Variants in NEGR1 observed in about 807,000 individuals in gnomAD.
NEGR1 encodes the protein neuronal growth regulator 1.
In NEGR1, 10 loss-of-function variants were observed where a neutral mutation model predicts 40.9. That is an observed-to-expected ratio of 0.24 (90% CI 0.15 to 0.42). The LOEUF (loss-of-function observed/expected upper bound fraction) is 0.42. Ranked by LOEUF, NEGR1 falls within the 10% of genes least tolerant of loss-of-function variation. NEGR1 has a pLI of 1.00. For synonymous variants in NEGR1, 185 were observed against 166.8 expected (o/e 1.11, Z -0.84); for missense variants, 352 against 438.9 (o/e 0.80, Z 1.77).
chr1:71,435,309 G>A (rs1031067198), intron 6 of NEGR1, among the ~76,000 whole-genome samples: 1 of 152,086 alleles, frequency 6.6e-6, no homozygotes, highest in Non-Finnish European at 1.5e-5. Context: ...ATTGGCAAAA[G>A]GAAGGTGAAG....
intron 2 of NEGR1, among the ~76,000 whole-genome samples, chr1:71,801,659 C>T (rs1200010861): frequency 6.6e-6 from 1 of 152,154 alleles, no homozygotes; most frequent in African/African-American, 2.4e-5. Flanking sequence ...TTGCCTCTAA[C>T]TTTAGAGCCT....
intron 3 of NEGR1, among the ~76,000 whole-genome samples, chr1:71,753,526 C>T (rs1040431768): frequency 3.3e-5 from 5 of 152,084 alleles, no homozygotes; most frequent in African/African-American, 1.2e-4. Flanking sequence ...AATAATCATC[C>T]TTATAATTAG....
intron 2 of NEGR1, among the ~76,000 whole-genome samples, chr1:71,895,556 G>A (rs1321605508): frequency 1.5e-5 from 2 of 133,734 alleles, no homozygotes; most frequent in South Asian, 4.3e-4. Flanking sequence ...AACATTTGTG[G>A]TCTTGGTGCC....
intron 1 of NEGR1, among the ~76,000 whole-genome samples, chr1:72,144,170 A>C (rs753089791): frequency 1.3e-5 from 2 of 151,324 alleles, no homozygotes; most frequent in Non-Finnish European, 3.0e-5. Flanking sequence ...CCAGAAACAT[A>C]CAAGATCTTT....
chr1:72,282,047 C>A (rs890381264), intron 1 of NEGR1, among the ~76,000 whole-genome samples: 4 of 152,124 alleles, frequency 2.6e-5, no homozygotes, highest in Admixed American at 6.5e-5. Flanking sequence ...GTGGCACCTG[C>A]CCCTCCTTCT....
At chr1:71,530,482 C>A (rs1457525057) in intron 6 of NEGR1, among the ~76,000 whole-genome samples, 1 of 151,302 alleles carries the variant, frequency 6.6e-6, no homozygotes, top group Non-Finnish European at 1.5e-5. Context: ...CTCTTTAAAT[C>A]CTTGCCTAAC....
intron 4 of NEGR1, among the ~76,000 whole-genome samples, chr1:71,663,783 G>A (rs1466137739): frequency 6.6e-6 from 1 of 152,138 alleles, no homozygotes. Context: ...CCAAAATATT[G>A]TTTTATAGTT....
chr1:71,703,625 C>A (rs540906191), intron 3 of NEGR1, among the ~76,000 whole-genome samples: 1 of 151,542 alleles, frequency 6.6e-6, no homozygotes, highest in Non-Finnish European at 1.5e-5. Context: ...GTTATTTACA[C>A]AGCAACACAA....
At chr1:72,026,110 C>CAAAAAAAAAAAA (rs1172589239) in intron 1 of NEGR1, among the ~76,000 whole-genome samples, 8 of 31,148 alleles carry the variant, frequency 2.6e-4, no homozygotes, top group African/African-American at 3.8e-4. Context: ...GACTCCGTCT[C>CAAAAAAAAAAAA]AAAAAAAAAA....
chr1:71,857,457 CAAAAAAAAA>C (rs34177437), intron 2 of NEGR1, among the ~76,000 whole-genome samples: 58 of 77,652 alleles, frequency 7.5e-4, no homozygotes, highest in African/African-American at 2.9e-3. Context: ...ACAAAAAATA[CAAAAAAAAA>C]AAAAAAAAAA....
At chr1:71,690,615 G>A (rs1056553434) in intron 4 of NEGR1, among the ~76,000 whole-genome samples, 7 of 77,806 alleles carry the variant, frequency 9.0e-5, no homozygotes, top group African/African-American at 2.9e-4. Flanking sequence ...TATATAGAGG[G>A]AGACAGAGAG....
chr1:71,928,514 A>G (rs917938642), intron 2 of NEGR1, among the ~76,000 whole-genome samples: 9 of 146,492 alleles, frequency 6.1e-5, no homozygotes, highest in African/African-American at 2.0e-4. Context: ...ATACATGTGT[A>G]TATATATACA....
intron 2 of NEGR1, among the ~76,000 whole-genome samples, chr1:71,814,079 TC>T (rs1449206216): frequency 6.6e-6 from 1 of 152,142 alleles, no homozygotes; most frequent in Non-Finnish European, 1.5e-5. Context: ...CATAAATGGC[TC>T]TTAATATTTT....
Position 71,400,326 on chromosome 1 carries a change from T to C in NEGR1, c.*7120A>G, listed in dbSNP as rs1646238614. On this transcript the variant is annotated 3_prime_UTR_variant, in exon 7 of 7. Coordinates refer to ENST00000357731, the MANE Select transcript of NEGR1 (RefSeq NM_173808.3). ...TGGCTATAGCTTCTTGCAATGTTTT[T>C]ATCATTATCATAGTATTTGGTTGAT... 1 of 152,190 alleles carries C rather than the reference T, an allele frequency of 6.6e-6. No individual in the cohort carries two copies. The highest frequency in any genetic ancestry group is 2.4e-5 in the African/African-American group (1 of 41,456). 9.4% of individuals were successfully genotyped at this position (152,190 alleles called of 1,614,324 possible). A position where few individuals can be genotyped will look rare whatever the true frequency, so the allele number is the denominator to read the frequency against.
intron 1 of NEGR1, among the ~76,000 whole-genome samples, chr1:72,135,887 G>A (rs987284278): frequency 1.3e-5 from 2 of 152,118 alleles, no homozygotes; most frequent in Non-Finnish European, 2.9e-5. Flanking sequence ...TAATTCACAA[G>A]GCACCTACAC....
chr1:72,275,564 G>A (rs1325964585), intron 1 of NEGR1, among the ~76,000 whole-genome samples: 1 of 152,054 alleles, frequency 6.6e-6, no homozygotes, highest in Non-Finnish European at 1.5e-5. Context: ...CCAGAGAAAT[G>A]TAATGAATGA....
rs1465253808 is a variant in NEGR1, at chr1:72,108,075, T to C, written c.177-172764A>G. Among the ~76,000 whole-genome samples the C allele has an allele frequency of 7.3e-5, 11 of 151,684 alleles. No homozygotes were observed. In the East Asian group the frequency reaches 1.9e-3, roughly 27 times the overall value. Reference sequence around the variant, plus strand: ...AGCTTCCAGGATAAAATATGTGAAATTTGCAGCTGAGCATTTTCTAGAACA... The same window carrying C: ...AGCTTCCAGGATAAAATATGTGAAACTTGCAGCTGAGCATTTTCTAGAACA... On this transcript the variant is annotated intron_variant, in intron 1 of 6. Transcript: ENST00000357731.
At chr1:72,093,329 CAAA>C (rs11370565) in intron 1 of NEGR1, among the ~76,000 whole-genome samples, 2 of 118,866 alleles carry the variant, frequency 1.7e-5, no homozygotes, top group Non-Finnish European at 1.6e-5. Flanking sequence ...GACTCTGCCT[CAAA>C]AAAAAAAAAA....
intron 1 of NEGR1, among the ~76,000 whole-genome samples, chr1:72,090,596 G>GGTC (rs1204869059): frequency 6.6e-6 from 1 of 151,760 alleles, no homozygotes; most frequent in African/African-American, 2.4e-5. Flanking sequence ...ATAACTCCAG[G>GGTC]GTCATCTACC....
Sources: gnomAD v4.1 joint callset for allele counts (sites outside exome capture counted in the v4.1 genomes callset) on GRCh38, gnomAD v4.1.1 for gene constraint, MANE v1.5 for transcripts, NCBI Gene and HGNC (gene_info 2026-07-23, HGNC 2026-07-21) for gene names.